Variants in SAMMSON observed in about 807,000 individuals in gnomAD.
SAMMSON encodes long intergenic non-protein coding RNA 1212.
At chr3:70,215,428 T>C (rs1272707098) in intron 4 of SAMMSON, among the ~76,000 whole-genome samples, 3 of 152,138 alleles carry the variant, frequency 2.0e-5, no homozygotes, top group Non-Finnish European at 4.4e-5. Flanking sequence ...TCCAGGTTAA[T>C]TGATCCTGCT....
chr3:70,139,837 A>G lies in SAMMSON; in HGVS notation n.507+68272A>G, dbSNP rs547048128. On this transcript the variant is annotated intron_variant and non_coding_transcript_variant, in intron 4 of 9. Transcript: ENST00000642114. ...TGCAATACATCTTATTTGGACTTCT[A>G]TTTAGATGGCTGACTAATCTCCCCA... 2.5e-4 allele frequency among the ~76,000 whole-genome samples: 38 copies of G among 152,204 alleles called. 1 individual carries two copies. The highest frequency in any genetic ancestry group is 2.3e-3 in the South Asian group (11 of 4,816).
intron 6 of SAMMSON, among the ~76,000 whole-genome samples, chr3:70,271,598 A>T (rs1701975961): frequency 6.6e-6 from 1 of 152,168 alleles, no homozygotes; most frequent in Non-Finnish European, 1.5e-5. Flanking sequence ...TTGGTCCATT[A>T]CTTTCATCTT....
intron 4 of SAMMSON, among the ~76,000 whole-genome samples, chr3:70,076,037 A>G (rs2067247324): frequency 6.6e-6 from 1 of 152,108 alleles, no homozygotes; most frequent in Non-Finnish European, 1.5e-5. Flanking sequence ...TTCTTGAGCA[A>G]ATTCGGAGAG....
At chr3:70,149,495 G>A (rs922669474) in intron 4 of SAMMSON, among the ~76,000 whole-genome samples, 1 of 152,022 alleles carries the variant, frequency 6.6e-6, no homozygotes, top group Non-Finnish European at 1.5e-5. Flanking sequence ...ACCCACCCCA[G>A]ACCTACTGAA....
chr3:70,365,708 A>C (rs1251454114), intron 9 of SAMMSON, among the ~76,000 whole-genome samples: 1 of 151,588 alleles, frequency 6.6e-6, no homozygotes, highest in Non-Finnish European at 1.5e-5. Flanking sequence ...TACAGAACCC[A>C]CTCAGTTCTA....
chr3:70,228,252 G>T (rs1192839333), intron 4 of SAMMSON, among the ~76,000 whole-genome samples: 1 of 151,952 alleles, frequency 6.6e-6, no homozygotes, highest in Admixed American at 6.6e-5. Context: ...ATGCCAAGAT[G>T]CTGAAGAAAA....
chr3:70,433,029 A>G (rs72949153), intron 2 of SAMMSON, among the ~76,000 whole-genome samples: 4,017 of 152,098 alleles, frequency 0.026, 208 homozygotes, highest in African/African-American at 0.093. Context: ...ATATACCATT[A>G]TAGCTATATA....
chr3:70,001,927 A>G (rs1454049563), intron 1 of SAMMSON, among the ~76,000 whole-genome samples: 2 of 152,130 alleles, frequency 1.3e-5, no homozygotes, highest in Non-Finnish European at 1.5e-5. Context: ...GGATCAACTC[A>G]TATTGCTCCA....
At position 70,227,211 on chromosome 3, in the gene SAMMSON, A is replaced by G. The variant is rs982316075; in HGVS notation, n.508-21896A>G. Among the ~76,000 whole-genome samples the G allele has an allele frequency of 9.9e-5, 15 of 152,188 alleles. No homozygotes were observed. The East Asian group carries it at 2.9e-3, about 29-fold the overall frequency. On this transcript the variant is annotated intron_variant and non_coding_transcript_variant, in intron 4 of 9. Transcript: ENST00000642114. ...CATGATGGAGGATGAATTAGAAAGGAAATAGACTGGATTATAGTTGTTCTT... is the reference window on the plus strand; with the variant it reads ...CATGATGGAGGATGAATTAGAAAGGGAATAGACTGGATTATAGTTGTTCTT...
At chr3:70,414,573 T>C (rs1364670704) in intron 2 of SAMMSON, among the ~76,000 whole-genome samples, 1 of 152,108 alleles carries the variant, frequency 6.6e-6, no homozygotes, top group Non-Finnish European at 1.5e-5. Context: ...GGTTTTCCCA[T>C]GAAGTTATGA....
intron 4 of SAMMSON, among the ~76,000 whole-genome samples, chr3:70,198,897 T>C (rs1412378278): frequency 6.6e-6 from 1 of 152,172 alleles, no homozygotes. Context: ...AAGTTAGTAA[T>C]AGTATATAGA....
intron 6 of SAMMSON, among the ~76,000 whole-genome samples, chr3:70,267,849 T>C (rs1441694026): frequency 2.0e-5 from 3 of 152,166 alleles, no homozygotes; most frequent in African/African-American, 7.2e-5. Flanking sequence ...TGATTACTAA[T>C]ATATCCAGAT....
intron 4 of SAMMSON, among the ~76,000 whole-genome samples, chr3:70,110,380 G>A (rs1048265755): frequency 6.6e-6 from 1 of 152,104 alleles, no homozygotes; most frequent in African/African-American, 2.4e-5. Flanking sequence ...GGATTTTTCT[G>A]GTTGCAAGAC....
chr3:70,103,975 T>C (rs2067355700), intron 4 of SAMMSON, among the ~76,000 whole-genome samples: 1 of 151,092 alleles, frequency 6.6e-6, no homozygotes, highest in Non-Finnish European at 1.5e-5. Flanking sequence ...TTTCAGCATG[T>C]TCTATTGATT....
chr3:70,266,066 C>G (rs544591514), intron 6 of SAMMSON, among the ~76,000 whole-genome samples: 1 of 152,204 alleles, frequency 6.6e-6, no homozygotes, highest in African/African-American at 2.4e-5. Context: ...AATGAGAAAT[C>G]TCTTTGTCTT....
intron 3 of SAMMSON, among the ~76,000 whole-genome samples, chr3:70,039,557 G>A (rs2067098535): frequency 6.8e-6 from 1 of 147,690 alleles, no homozygotes; most frequent in South Asian, 2.2e-4. Context: ...CTCCATAATT[G>A]CAATCGTGTG....
At chr3:70,284,518 C>T (rs1702121278) in intron 6 of SAMMSON, among the ~76,000 whole-genome samples, 1 of 152,112 alleles carries the variant, frequency 6.6e-6, no homozygotes, top group African/African-American at 2.4e-5. Flanking sequence ...CAATGATAGA[C>T]TGGATCAAGA....
intron 6 of SAMMSON, among the ~76,000 whole-genome samples, chr3:70,279,546 A>G (rs1186471089): frequency 6.6e-6 from 1 of 152,098 alleles, no homozygotes; most frequent in Non-Finnish European, 1.5e-5. Flanking sequence ...GTGTCACCCC[A>G]TCATCACCTT....
At chr3:70,169,881 T>C (rs1197019151) in intron 4 of SAMMSON, among the ~76,000 whole-genome samples, 1 of 151,756 alleles carries the variant, frequency 6.6e-6, no homozygotes, top group Non-Finnish European at 1.5e-5. Flanking sequence ...CTGCTGGTGA[T>C]AGGGTTCATG....
Sources: allele counts gnomAD v4.1 joint callset (sites outside exome capture counted in the v4.1 genomes callset), GRCh38; gene constraint gnomAD v4.1.1; transcripts MANE v1.5; gene names NCBI Gene and HGNC (gene_info 2026-07-23, HGNC 2026-07-21).